Variants in DAB2IP observed in about 807,000 individuals in gnomAD.
DAB2IP encodes disabled homolog 2-interacting protein.
Under a neutral mutation model 107.2 loss-of-function variants are expected in DAB2IP, and 28 were observed. The ratio of observed to expected loss-of-function variants is 0.26; its 90% confidence interval spans 0.19 to 0.36. The LOEUF (loss-of-function observed/expected upper bound fraction) is 0.36. DAB2IP is among the 10% of genes least tolerant of loss of function. The pLI is 1.00. For missense variants in DAB2IP, 1,400 were observed against 1,644.7 expected, an observed-to-expected ratio of 0.85 and a Z score of 2.57; for synonymous variants, 755 against 706.4, an observed-to-expected ratio of 1.07 and a Z score of -1.09.
intron 1 of DAB2IP, among the ~76,000 whole-genome samples, chr9:121,659,289 T>C (rs535244057): frequency 2.6e-5 from 4 of 152,146 alleles, no homozygotes; most frequent in Non-Finnish European, 5.9e-5. Context: ...ATAAGCTTGG[T>C]TTTTCTATCC....
rs930238397 is a variant in DAB2IP at position 121,668,888 on chromosome 9, G to T, written c.125-9790G>T. On this transcript the variant is annotated intron_variant, in intron 1 of 15. Transcript: ENST00000408936. The stretch of plus-strand genomic sequence containing the variant: ...GACAGCAAGTGTATTTCAGCTTAAA[G>T]GGTCCATAGTAAGCCTTACTTTTTT... 4.6e-5 allele frequency among the ~76,000 whole-genome samples: 7 copies of T among 150,758 alleles called. 1 individual carries two copies. In the South Asian group the frequency reaches 6.3e-4, roughly 14 times the overall value.
chr9:121,744,923 G>A (rs910564432), intron 3 of DAB2IP, among the ~76,000 whole-genome samples: 2 of 152,222 alleles, frequency 1.3e-5, no homozygotes, highest in South Asian at 2.1e-4. Flanking sequence ...GAGGCGTGCA[G>A]TTTAGCATGA....
At chr9:121,688,866 C>T (rs1829021500) in intron 2 of DAB2IP, among the ~76,000 whole-genome samples, 1 of 152,132 alleles carries the variant, frequency 6.6e-6, no homozygotes, top group Non-Finnish European at 1.5e-5. Context: ...CGTGACCTCT[C>T]CACTTCTGCC....
At chr9:121,642,027 CTCTCTTTCTTTCTT>C (rs1832355689) in intron 1 of DAB2IP, among the ~76,000 whole-genome samples, 1 of 39,516 alleles carries the variant, frequency 2.5e-5, no homozygotes, top group African/African-American at 1.1e-4. Context: ...CTCTCTCTCT[CTCTCTTTCTTTCTT>C]TCTTTCTTTC....
At chr9:121,747,151 C>T (rs1330562774) in intron 3 of DAB2IP, among the ~76,000 whole-genome samples, 1 of 151,964 alleles carries the variant, frequency 6.6e-6, no homozygotes, top group Non-Finnish European at 1.5e-5. Flanking sequence ...TTTCCTGGGG[C>T]TGGGGGTAGG....
chr9:121,618,646 C>T (rs1405461750), intron 1 of DAB2IP, among the ~76,000 whole-genome samples: 1 of 152,180 alleles, frequency 6.6e-6, no homozygotes, highest in Non-Finnish European at 1.5e-5. Flanking sequence ...TTGTGTCCGG[C>T]CAAATTCAAT....
chr9:121,773,490 A>G, exon 12 of DAB2IP: 3 of 1,507,028 alleles, frequency 2.0e-6, no homozygotes, highest in East Asian at 2.3e-5. Context: ...GGCAGTGCAC[A>G]AGCAGGTCAG....
chr9:121,782,344 C>T lies in DAB2IP; in HGVS notation c.3416C>T (p.Ala1139Val). Residue 1139 changes from alanine to valine, a missense_variant, in exon 16 of 16, where the codon GCC becomes GTC. Physicochemically the swap from Ala to Val is moderately conservative, Grantham distance 64 (BLOSUM62 0). This residue lies in a region of DAB2IP where 600 missense variants were observed against 659.1 expected (regional missense o/e 0.91). Transcript: ENST00000408936. The surrounding 1 kb of genome is among the most constrained non-coding windows in gnomAD (Gnocchi z 6.1). ...CATTGTCCACAGGAGAAGCGCATTG[C>T]CTCGTTGGATGCCGCCAATGCCCGC... 1.9e-6 allele frequency: 3 copies of T among 1,613,926 alleles called. No homozygotes were observed. The highest frequency in any genetic ancestry group is 2.5e-6 in the Non-Finnish European group (3 of 1,179,872).
At chr9:121,578,580 T>C (rs1385188791) in intron 1 of DAB2IP, among the ~76,000 whole-genome samples, 1 of 151,910 alleles carries the variant, frequency 6.6e-6, no homozygotes, top group African/African-American at 2.4e-5. Context: ...CCTTGGTCCC[T>C]GGGCTCTGCA....
chr9:121,784,612 T>G lies in DAB2IP; in HGVS notation c.*2114T>G, dbSNP rs997280024. 8.4e-5 allele frequency: 13 copies of G among 154,924 alleles called. No individual in the cohort carries two copies. In the Middle Eastern group the frequency reaches 2.1e-3, roughly 25 times the overall value. 9.6% of individuals were successfully genotyped at this position (154,924 alleles called of 1,614,324 possible). Reference sequence around the variant, plus strand: ...AAGTCTGCCGATTTTGTAAATGTTCTTGGTGTTTGACTGTAATGTAACTAT... The same window carrying G: ...AAGTCTGCCGATTTTGTAAATGTTCGTGGTGTTTGACTGTAATGTAACTAT... On this transcript the variant is annotated 3_prime_UTR_variant, in exon 16 of 16. Transcript: ENST00000408936.
At position 121,736,173 on chromosome 9, in the gene DAB2IP, A is replaced by G. The variant is rs919731908; in HGVS notation, c.363-20840A>G. Among the ~76,000 whole-genome samples the G allele has an allele frequency of 1.3e-5, 2 of 152,154 alleles. No homozygotes were observed. The highest frequency in any genetic ancestry group is 4.8e-5 in the African/African-American group (2 of 41,442). ...TGGACCTCAGTTGTGTTCACTTGTT[A>G]AAATGTTGGAATGGAAATGTGGGGA... is the stretch of plus-strand genomic sequence containing the variant. On this transcript the variant is annotated intron_variant, in intron 3 of 15. Coordinates refer to ENST00000408936, the Ensembl canonical transcript of DAB2IP. This position sits in a 1 kb window ranked among gnomAD's most constrained non-coding sequence, Gnocchi z 4.6.
intron 1 of DAB2IP, among the ~76,000 whole-genome samples, chr9:121,653,997 T>G (rs1832871998): frequency 6.6e-6 from 1 of 151,706 alleles, no homozygotes; most frequent in Non-Finnish European, 1.5e-5. Flanking sequence ...GCAGAGGGAG[T>G]AATTGAGTCA....
chr9:121,708,815 G>A (rs536960372), intron 3 of DAB2IP, among the ~76,000 whole-genome samples: 4 of 152,326 alleles, frequency 2.6e-5, no homozygotes, highest in Non-Finnish European at 5.9e-5. Context: ...CTTGGCTCCC[G>A]CCTGAGAATG....
intron 3 of DAB2IP, among the ~76,000 whole-genome samples, chr9:121,742,332 G>A (rs944073793): frequency 5.3e-5 from 8 of 152,252 alleles, no homozygotes; most frequent in African/African-American, 1.9e-4. Context: ...GGGAGGCTGA[G>A]GCAAGACAAT....
chr9:121,654,040 C>G (rs1188160920), intron 1 of DAB2IP, among the ~76,000 whole-genome samples: 1 of 152,206 alleles, frequency 6.6e-6, no homozygotes. Flanking sequence ...GTGCACACAA[C>G]TATTCTACAG....
At chr9:121,780,523 G>A (rs1340148851) in intron 14 of DAB2IP, among the ~76,000 whole-genome samples, 1 of 152,222 alleles carries the variant, frequency 6.6e-6, no homozygotes, top group African/African-American at 2.4e-5. Context: ...CAGGGATGGA[G>A]AGAAGCCTTG....
At chr9:121,757,462 G>C (rs1370788408) in intron 4 of DAB2IP, among the ~76,000 whole-genome samples, 1 of 152,214 alleles carries the variant, frequency 6.6e-6, no homozygotes, top group Admixed American at 6.5e-5. Flanking sequence ...GGAAAAGCCT[G>C]AATTTCTTAA....
At chr9:121,614,337 CTTTTTTTTTT>C (rs35959966) in intron 1 of DAB2IP, among the ~76,000 whole-genome samples, 12 of 102,772 alleles carry the variant, frequency 1.2e-4, no homozygotes, top group Non-Finnish European at 1.6e-4. Context: ...TCTTTCTTTT[CTTTTTTTTTT>C]TTTTTTTTTT....
chr9:121,738,192 C>A (rs962547239), intron 3 of DAB2IP, among the ~76,000 whole-genome samples: 2 of 152,178 alleles, frequency 1.3e-5, no homozygotes, highest in African/African-American at 4.8e-5. Flanking sequence ...CTGTGAGGAA[C>A]GGGCCTTGAC....
Sources: allele counts gnomAD v4.1 joint callset (sites outside exome capture counted in the v4.1 genomes callset), GRCh38; gene constraint gnomAD v4.1.1; regional missense constraint gnomAD v4.1.1; non-coding constraint Gnocchi (gnomAD v3.1); transcripts MANE v1.5; gene names NCBI Gene and HGNC (gene_info 2026-07-23, HGNC 2026-07-21).